TENM3: variants seen among roughly 807,000 people sequenced by gnomAD.
TENM3 encodes the protein teneurin-3.
TENM3 carries 63 observed loss-of-function variants against 255.1 expected under a neutral mutation model. The observed-to-expected ratio is 0.25, with a 90% confidence interval of 0.20 to 0.30. The LOEUF is 0.30. Ranked by LOEUF, TENM3 falls within the 10% of genes least tolerant of loss-of-function variation. TENM3 has a pLI of 1.00. For synonymous variants in TENM3, 1,306 were observed against 1,322.3 expected (o/e 0.99, Z 0.27); for missense variants, 2,929 against 3,461.1 (o/e 0.85, Z 3.86).
chr4:181,980,846 T>G, the TENM3 span, among the ~76,000 whole-genome samples: 3 of 152,134 alleles, frequency 2.0e-5, no homozygotes, highest in South Asian at 6.2e-4. Context: ...CTTACGCCTA[T>G]TTTTTCTTTT....
At chr4:182,417,903 T>C (rs1367800799) in intron 3 of TENM3, among the ~76,000 whole-genome samples, 3 of 152,234 alleles carry the variant, frequency 2.0e-5, no homozygotes, top group Non-Finnish European at 1.5e-5. Flanking sequence ...TTGATATCTG[T>C]ACATCTCTCC....
the TENM3 span, among the ~76,000 whole-genome samples, chr4:182,052,680 T>G: frequency 6.6e-6 from 1 of 152,214 alleles, no homozygotes; most frequent in African/African-American, 2.4e-5. Flanking sequence ...CACAACTGAG[T>G]TCTCTACTCT....
intron 12 of TENM3, among the ~76,000 whole-genome samples, chr4:182,701,207 TGAC>T: frequency 7.9e-6 from 1 of 127,134 alleles, no homozygotes; most frequent in African/African-American, 3.0e-5. Flanking sequence ...GTCCAACTCT[TGAC>T]TTTTTTTTTT....
chr4:182,690,211 C>T (rs1391783822), intron 12 of TENM3, among the ~76,000 whole-genome samples: 13 of 152,202 alleles, frequency 8.5e-5, no homozygotes, highest in Admixed American at 2.6e-4. Flanking sequence ...TGGAGCTTCC[C>T]GCCTGAAATC....
In TENM3 at chr4:182,751,870, A is replaced by C; in HGVS notation, c.3700A>C (p.Asn1234His). ...VTGDLYVSDT[N>H]TRRIYRPKSL... is the part of the protein sequence containing the mutation. ...GGGAGATCTGTACGTTTCTGACACA[A>C]ACACCCGCAGAATTTATCGCCCAAA... The change falls in exon 20 of 28, where the codon AAC becomes CAC. Residue 1234 changes from asparagine (N) to histidine (H), a missense_variant. Asn to His is a moderately conservative substitution (Grantham distance 68). Around this residue, in one of 6 missense-constraint regions of TENM3, gnomAD observed 1,608 missense variants for 1,884.4 expected, o/e 0.85. Coordinates refer to ENST00000511685, the MANE Select transcript of TENM3 (RefSeq NM_001080477.4). 6.2e-7 allele frequency: 1 copy of C among 1,613,876 alleles called. No homozygotes were observed. The highest frequency in any genetic ancestry group is 8.5e-7 in the Non-Finnish European group (1 of 1,179,866).
intron 3 of TENM3, among the ~76,000 whole-genome samples, chr4:182,512,995 G>A (rs977713896): frequency 4.6e-5 from 7 of 152,078 alleles, no homozygotes; most frequent in African/African-American, 1.2e-4. Flanking sequence ...TTTAGAAAAC[G>A]TTTTGGCATT....
At position 182,325,115 on chromosome 4, in the gene TENM3, A is replaced by T. The variant is rs191561218; in HGVS notation, c.232+863A>T. 5.5e-3 allele frequency among the ~76,000 whole-genome samples: 828 copies of T among 151,898 alleles called. 3 individuals are homozygous for T. The highest frequency in any genetic ancestry group is 9.2e-3 in the Non-Finnish European group (629 of 68,032). ...GTAATGTGCAGTATAATTTACATAT[A>T]ACTTAGCATTCTTTAGCTAATTTAA... On this transcript the variant is annotated intron_variant, in intron 2 of 27. Coordinates refer to ENST00000511685, the MANE Select transcript of TENM3 (RefSeq NM_001080477.4).
chr4:182,635,461 T>A (rs920955804), intron 5 of TENM3, among the ~76,000 whole-genome samples: 6 of 152,162 alleles, frequency 3.9e-5, no homozygotes, highest in African/African-American at 1.4e-4. Context: ...ACCCAATAGT[T>A]TTTTTATCCC....
Position 182,204,803 on chromosome 4 carries a change from ATC to A in TENM3, c.-76+60053_-76+60054del, listed in dbSNP as rs1274596512. Among the ~76,000 whole-genome samples, 6 of 152,184 alleles carry A rather than the reference ATC, an allele frequency of 3.9e-5. No homozygotes were observed. In the East Asian group the frequency reaches 7.7e-4, roughly 20 times the overall value. On this transcript the variant is annotated intron_variant, in intron 1 of 2. Coordinates refer to the TENM3 transcript ENST00000512480. ...ATTTAAAAAAACCCAAAAGAAACAA[ATC>A]TCTGTGTTCAATGAAGATTACAGCT...
At chr4:181,514,292 T>A in the TENM3 span, among the ~76,000 whole-genome samples, 2 of 152,272 alleles carry the variant, frequency 1.3e-5, no homozygotes, top group East Asian at 1.9e-4. Flanking sequence ...TTAAAAAAAA[T>A]TTAAAGCTTT....
the TENM3 span, among the ~76,000 whole-genome samples, chr4:181,999,852 T>C: frequency 6.6e-6 from 1 of 152,170 alleles, no homozygotes; most frequent in African/African-American, 2.4e-5. Context: ...TCCTCCAATT[T>C]TGATATAAGT....
chr4:182,447,954 AAC>A (rs1773066043), intron 3 of TENM3, among the ~76,000 whole-genome samples: 2 of 152,314 alleles, frequency 1.3e-5, no homozygotes, highest in South Asian at 4.1e-4. Flanking sequence ...GAGGGGAAAA[AAC>A]ACAATTTTTT....
chr4:181,663,054 C>T, the TENM3 span, among the ~76,000 whole-genome samples: 4 of 152,084 alleles, frequency 2.6e-5, no homozygotes, highest in East Asian at 1.9e-4. Context: ...TCCTGGTCTC[C>T]GTTTTTGTGT....
At chr4:182,133,821 T>C in the TENM3 span, among the ~76,000 whole-genome samples, 1 of 152,230 alleles carries the variant, frequency 6.6e-6, no homozygotes, top group Non-Finnish European at 1.5e-5. Flanking sequence ...TTCTTTTTAA[T>C]AGGGAAATGT....
the TENM3 span, among the ~76,000 whole-genome samples, chr4:181,549,044 CA>C: frequency 6.6e-6 from 1 of 152,268 alleles, no homozygotes; most frequent in Admixed American, 6.5e-5. Context: ...ACATTCTTCA[CA>C]AACATCCATG....
At chr4:181,999,973 C>A in the TENM3 span, among the ~76,000 whole-genome samples, 1 of 152,016 alleles carries the variant, frequency 6.6e-6, no homozygotes, top group East Asian at 1.9e-4. Context: ...AACTCCATAC[C>A]TTCCAAACCT....
chr4:182,684,277 C>T (rs948572311), intron 11 of TENM3, among the ~76,000 whole-genome samples: 17 of 151,102 alleles, frequency 1.1e-4, no homozygotes, highest in African/African-American at 3.7e-4. Flanking sequence ...TAAAAACATC[C>T]TGCTTAGATT....
the TENM3 span, among the ~76,000 whole-genome samples, chr4:181,703,147 CTCAG>C: frequency 5.3e-5 from 8 of 152,216 alleles, no homozygotes; most frequent in African/African-American, 1.9e-4. Flanking sequence ...CTCGCTGCTA[CTCAG>C]TCAGTCACTA....
intron 2 of TENM3, among the ~76,000 whole-genome samples, chr4:182,343,678 A>G (rs1764623521): frequency 7.3e-6 from 1 of 136,296 alleles, no homozygotes; most frequent in Non-Finnish European, 1.5e-5. Context: ...TGTCGCAGTC[A>G]GGGAGCTCTA....
Sources: allele counts gnomAD v4.1 joint callset (sites outside exome capture counted in the v4.1 genomes callset), GRCh38; gene constraint gnomAD v4.1.1; regional missense constraint gnomAD v4.1.1; transcripts MANE v1.5; gene names NCBI Gene and HGNC (gene_info 2026-07-23, HGNC 2026-07-21).